Variants in STRN3 observed in about 807,000 individuals in gnomAD.
STRN3 encodes the protein striatin 3.
STRN3 carries 29 observed loss-of-function variants against 95.6 expected under a neutral mutation model. The observed-to-expected ratio is 0.30, with a 90% confidence interval of 0.23 to 0.41. The LOEUF is 0.41. Ranked by LOEUF, STRN3 falls within the 10% of genes least tolerant of loss-of-function variation. STRN3 has a pLI of 1.00. For missense variants in STRN3, 890 were observed against 972.1 expected (o/e 0.92, Z 1.12); for synonymous variants, 331 against 357.6 (o/e 0.93, Z 0.84).
intron 1 of STRN3, among the ~76,000 whole-genome samples, chr14:30,974,409 A>G (rs908370336): frequency 3.9e-5 from 6 of 152,142 alleles, no homozygotes; most frequent in African/African-American, 7.2e-5. Context: ...ATGCTGAAAG[A>G]AATTAAGACA....
chr14:31,019,541 A>C (rs1391086880), intron 1 of STRN3, among the ~76,000 whole-genome samples: 1 of 152,222 alleles, frequency 6.6e-6, no homozygotes. Flanking sequence ...TAAACTGTTA[A>C]GAGGGGCAAT....
At chr14:31,011,763 C>T (rs1469472100) in intron 1 of STRN3, among the ~76,000 whole-genome samples, 1 of 152,054 alleles carries the variant, frequency 6.6e-6, no homozygotes, top group Non-Finnish European at 1.5e-5. Context: ...AATCCCCAAC[C>T]CTTTTTATTT....
intron 1 of STRN3, among the ~76,000 whole-genome samples, chr14:30,979,854 C>T (rs1316703165): frequency 2.6e-5 from 4 of 151,880 alleles, no homozygotes; most frequent in Non-Finnish European, 5.9e-5. Flanking sequence ...CCCGCCTTGG[C>T]TTCCCAAAGT....
At position 30,902,085 on chromosome 14, in the gene STRN3, C is replaced by T. The variant is rs113799586; in HGVS notation, c.2137+451G>A. ...ACTCGGGAGGCTGAGGCAGGATAAT[C>T]GCTTGAACTCAAGAGGCCGAGATTG... is the stretch of plus-strand genomic sequence containing the variant. On this transcript the variant is annotated intron_variant, in intron 16 of 17. Transcript: ENST00000357479. Among the ~76,000 whole-genome samples the T allele has an allele frequency of 2.0e-3, 281 of 141,674 alleles. 1 individual carries two copies. Among genetic ancestry groups the T allele is most frequent in the African/African-American group, 6.6e-3 (251 of 37,846 alleles). The allele number at this position is 141,674 out of a possible 152,430, so 92.9% of individuals were successfully genotyped here.
At chr14:30,954,728 T>C (rs1879817070) in intron 3 of STRN3, among the ~76,000 whole-genome samples, 1 of 152,188 alleles carries the variant, frequency 6.6e-6, no homozygotes, top group South Asian at 2.1e-4. Flanking sequence ...AAAAAAGACT[T>C]ATCTTGCTTT....
intron 8 of STRN3, among the ~76,000 whole-genome samples, chr14:30,921,069 TATACACACACACACACACAC>T (rs1414783542): frequency 8.3e-6 from 1 of 119,848 alleles, no homozygotes; most frequent in Non-Finnish European, 1.9e-5. Flanking sequence ...TACACATACA[TATACACACACACACACACAC>T]ACACACACAC....
chr14:30,988,098 T>G (rs1227420560), intron 1 of STRN3, among the ~76,000 whole-genome samples: 1 of 152,212 alleles, frequency 6.6e-6, no homozygotes, highest in Non-Finnish European at 1.5e-5. Flanking sequence ...AAGTTTTACA[T>G]TCCTTCACTG....
At chr14:31,013,059 G>A (rs991696854) in intron 1 of STRN3, among the ~76,000 whole-genome samples, 1 of 152,134 alleles carries the variant, frequency 6.6e-6, no homozygotes, top group Non-Finnish European at 1.5e-5. Context: ...AGGAGTTCAA[G>A]ACCAGCCTGG....
intron 1 of STRN3, among the ~76,000 whole-genome samples, chr14:30,968,229 T>C (rs923445244): frequency 6.6e-6 from 1 of 150,656 alleles, no homozygotes. Flanking sequence ...CTTATGGCCT[T>C]AGACAGTCTA....
intron 1 of STRN3, among the ~76,000 whole-genome samples, chr14:31,003,325 A>G (rs1221474034): frequency 6.6e-6 from 1 of 151,288 alleles, no homozygotes; most frequent in Non-Finnish European, 1.5e-5. Flanking sequence ...TTTATGTCAT[A>G]TGTATTTTAC....
intron 5 of STRN3, among the ~76,000 whole-genome samples, chr14:30,941,053 C>A (rs139291719): frequency 1.3e-5 from 2 of 152,114 alleles, no homozygotes; most frequent in South Asian, 4.1e-4. Context: ...TTCCACCATG[C>A]GAAAACCCAG....
intron 1 of STRN3, among the ~76,000 whole-genome samples, chr14:31,010,982 T>C (rs1882944368): frequency 6.6e-6 from 1 of 152,200 alleles, no homozygotes; most frequent in East Asian, 1.9e-4. Context: ...GAGGTTGCAG[T>C]GAGCCAAAAT....
intron 1 of STRN3, among the ~76,000 whole-genome samples, chr14:31,013,544 TAGAC>T (rs1883069908): frequency 6.6e-6 from 1 of 152,002 alleles, no homozygotes; most frequent in Non-Finnish European, 1.5e-5. Context: ...TGGGGGGTGG[TAGAC>T]AGGATCATGG....
chr14:30,934,035 C>A (rs1030252192), intron 7 of STRN3, among the ~76,000 whole-genome samples: 7 of 152,154 alleles, frequency 4.6e-5, no homozygotes, highest in African/African-American at 7.2e-5. Flanking sequence ...ATTAAAATAA[C>A]CTTCTCCAGG....
intron 5 of STRN3, among the ~76,000 whole-genome samples, chr14:30,945,985 G>A (rs1173998984): frequency 2.0e-5 from 3 of 152,150 alleles, no homozygotes; most frequent in Middle Eastern, 3.4e-3. Context: ...TTTTTAATGG[G>A]TAAATTTTAT....
chr14:30,987,763 ACT>A (rs1341791814), intron 1 of STRN3, among the ~76,000 whole-genome samples: 1 of 149,692 alleles, frequency 6.7e-6, no homozygotes, highest in Non-Finnish European at 1.5e-5. Context: ...TTTGAGACAG[ACT>A]CTCGTTCTGT....
intron 3 of STRN3, among the ~76,000 whole-genome samples, chr14:30,953,686 G>A (rs1057509417): frequency 1.3e-5 from 2 of 152,158 alleles, no homozygotes; most frequent in African/African-American, 4.8e-5. Context: ...AGGGAGTAGA[G>A]TGGTGTGAAC....
chr14:31,018,329 C>T, intron 1 of STRN3: 1 of 279,000 alleles, frequency 3.6e-6, no homozygotes, highest in Non-Finnish European at 6.9e-6. Flanking sequence ...GCATTCATCT[C>T]TGTACCCCCA....
intron 1 of STRN3, among the ~76,000 whole-genome samples, chr14:30,975,836 T>TTA (rs1555323100): frequency 8.8e-6 from 1 of 113,146 alleles, no homozygotes; most frequent in African/African-American, 3.4e-5. Flanking sequence ...CCTGGCTCTT[T>TTA]AAAAAAAAAA....
Sources: gnomAD v4.1 joint callset for allele counts (sites outside exome capture counted in the v4.1 genomes callset) on GRCh38, gnomAD v4.1.1 for gene constraint, MANE v1.5 for transcripts, NCBI Gene and HGNC (gene_info 2026-07-23, HGNC 2026-07-21) for gene names.